Variants in PSAT1 observed in about 807,000 individuals in gnomAD.
PSAT1 encodes the protein phosphoserine aminotransferase.
A neutral mutation model predicts 40.3 loss-of-function variants in PSAT1; 41 were observed. That is an observed-to-expected ratio of 1.02 (90% CI 0.79 to 1.32). PSAT1 has a LOEUF of 1.32. Ranked by LOEUF, PSAT1 falls within the 40% of genes most tolerant of loss-of-function variation. The pLI is 0.00. For missense variants in PSAT1, 406 were observed against 455.8 expected (o/e 0.89, Z 0.99); for synonymous variants, 147 against 170.5 (o/e 0.86, Z 1.07).
chr9:78,320,878 C>T (rs565461953), intron 7 of PSAT1, among the ~76,000 whole-genome samples: 1 of 152,142 alleles, frequency 6.6e-6, no homozygotes, highest in Non-Finnish European at 1.5e-5. Context: ...GCTTTTAGCT[C>T]TATACATTTC....
At chr9:78,324,174 C>A (rs1260380596) in intron 7 of PSAT1, among the ~76,000 whole-genome samples, 1 of 152,136 alleles carries the variant, frequency 6.6e-6, no homozygotes, top group Admixed American at 6.6e-5. Context: ...GGGAACACTG[C>A]GTTCCTGTCT....
chr9:78,304,955 C>T lies in PSAT1; in HGVS notation c.397+15C>T. 1 of 1,611,332 alleles carries T rather than the reference C, an allele frequency of 6.2e-7. No homozygotes were observed. ...GAGTTATACAAGTAAGTTCTGGGAGCTGAGCTGGGTGGTGACGTGCTCAAT... is the reference window on the plus strand; with the variant it reads ...GAGTTATACAAGTAAGTTCTGGGAGTTGAGCTGGGTGGTGACGTGCTCAAT... On this transcript the variant is annotated intron_variant, in intron 4 of 8. Coordinates refer to ENST00000376588, the MANE Select transcript of PSAT1 (RefSeq NM_058179.4).
At position 78,299,211 on chromosome 9, in the gene PSAT1, GA is replaced by G. The variant is rs34154867; in HGVS notation, c.61-1380del. Among the ~76,000 whole-genome samples, 63 of 140,414 alleles carry G rather than the reference GA, an allele frequency of 4.5e-4. No individual in the cohort carries two copies. The East Asian group carries it at 5.4e-3, about 12-fold the overall frequency. The allele number at this position is 140,414 out of a possible 152,430, so 92.1% of individuals were successfully genotyped here. On this transcript the variant is annotated intron_variant, in intron 1 of 8. Coordinates refer to ENST00000376588, the MANE Select transcript of PSAT1 (RefSeq NM_058179.4). ...ACAAAAGCAATGCATTCTTCAACTG[GA>G]AAAAAAAAAACCTACTGGATTAGGG...
chr9:78,306,001 G>T (rs1266157488), intron 4 of PSAT1, among the ~76,000 whole-genome samples: 1 of 152,174 alleles, frequency 6.6e-6, no homozygotes, highest in East Asian at 1.9e-4. Context: ...GGGCTCAAGT[G>T]ATCCTCCCAC....
intron 6 of PSAT1, among the ~76,000 whole-genome samples, chr9:78,315,850 C>A (rs950780295): frequency 6.6e-6 from 1 of 152,218 alleles, no homozygotes; most frequent in Non-Finnish European, 1.5e-5. Flanking sequence ...CCCATAATGT[C>A]CCCTCCTGTT....
Position 78,321,622 on chromosome 9 carries a change from G to A in PSAT1, c.869+3818G>A, listed in dbSNP as rs548639034. On this transcript the variant is annotated intron_variant, in intron 7 of 8. Coordinates refer to ENST00000376588, the MANE Select transcript of PSAT1 (RefSeq NM_058179.4). The stretch of plus-strand genomic sequence containing the variant: ...GTTTGCTGGGGGTTTCACCAGCCCT[G>A]CCAGTGACCTTGGCAGGGAATTCTG... 3.3e-5 allele frequency among the ~76,000 whole-genome samples: 5 copies of A among 152,060 alleles called. No individual in the cohort carries two copies. The South Asian group carries it at 1.0e-3, about 32-fold the overall frequency.
At chr9:78,308,729 A>T (rs1444519360) in intron 6 of PSAT1, 146 bp downstream of exon 6, 6 of 907,170 alleles carry the variant, frequency 6.6e-6, no homozygotes, top group Non-Finnish European at 8.3e-6. Flanking sequence ...GCTGAGGTGG[A>T]TGGACCACTT....
intron 4 of PSAT1, among the ~76,000 whole-genome samples, 181 bp from the exon 5 acceptor site, chr9:78,306,133 A>T (rs1312093842): frequency 6.6e-6 from 1 of 152,200 alleles, no homozygotes; most frequent in Non-Finnish European, 1.5e-5. Flanking sequence ...TCCTCTCAGG[A>T]TGTTGATAAC....
At chr9:78,315,601 C>T (rs1221873419) in intron 6 of PSAT1, among the ~76,000 whole-genome samples, 1 of 152,206 alleles carries the variant, frequency 6.6e-6, no homozygotes, top group African/African-American at 2.4e-5. Flanking sequence ...CTCTTTCTTC[C>T]CAGTGCTGTC....
At chr9:78,326,215 G>A (rs1436823116) in intron 7 of PSAT1, among the ~76,000 whole-genome samples, 1 of 152,078 alleles carries the variant, frequency 6.6e-6, no homozygotes, top group Non-Finnish European at 1.5e-5. Flanking sequence ...CTCTCACACT[G>A]CCTTTATTTG....
chr9:78,304,754 A>T lies in PSAT1; in HGVS notation c.211A>T (p.Lys71Ter). 1.2e-6 allele frequency: 2 copies of T among 1,613,930 alleles called. No homozygotes were observed. Among genetic ancestry groups the T allele is most frequent in the Non-Finnish European group, 1.7e-6 (2 of 1,179,814 alleles). ...RELLAVPDNY[K>*]VIFLQGGGCG... ...GCCCAGAGCTGTTCCAGACAACTATAAGGTGATTTTTCTGCAAGGAGGTGG... is the reference window on the plus strand; with the variant it reads ...GCCCAGAGCTGTTCCAGACAACTATTAGGTGATTTTTCTGCAAGGAGGTGG... Residue 71 changes from lysine (K) to a stop codon, truncating the protein, a stop_gained, in exon 4 of 9, where the codon AAG (lysine) becomes TAG (stop). Transcript: ENST00000376588. LOFTEE classifies it high-confidence loss of function.
intron 7 of PSAT1, among the ~76,000 whole-genome samples, chr9:78,320,550 T>G (rs868224734): frequency 2.8e-5 from 4 of 141,032 alleles, no homozygotes; most frequent in Non-Finnish European, 3.1e-5. Context: ...CACCCACTCA[T>G]CTGTCCATTC....
chr9:78,310,138 G>A (rs1828244923), intron 6 of PSAT1, among the ~76,000 whole-genome samples: 1 of 152,164 alleles, frequency 6.6e-6, no homozygotes, highest in Non-Finnish European at 1.5e-5. Context: ...TATCTTTCTA[G>A]GGCCACTATG....
chr9:78,319,129 G>T (rs1828391494), intron 7 of PSAT1, among the ~76,000 whole-genome samples: 1 of 152,122 alleles, frequency 6.6e-6, no homozygotes, highest in South Asian at 2.1e-4. Context: ...TTGGAAATTT[G>T]CCCTCTCTCA....
At chr9:78,328,255 C>T (rs1828529952) in intron 8 of PSAT1, 67 bp downstream of exon 8, 4 of 1,594,758 alleles carry the variant, frequency 2.5e-6, no homozygotes, top group Non-Finnish European at 3.4e-6. Flanking sequence ...CAGAATAAAA[C>T]AAATCTATAG....
intron 6 of PSAT1, among the ~76,000 whole-genome samples, chr9:78,313,065 T>C (rs1402399018): frequency 6.6e-6 from 1 of 151,884 alleles, no homozygotes; most frequent in Non-Finnish European, 1.5e-5. Flanking sequence ...AAAAAATTTA[T>C]AACAGTGATA....
rs763694865 is a variant in PSAT1 at position 78,297,264 on chromosome 9, G to A, written c.54G>A (p.Pro18=). Residue 18 remains proline (P), a synonymous_variant, in exon 1 of 9, where the codon CCG becomes CCA. Transcript: ENST00000376588. The stretch of plus-strand genomic sequence containing the variant: ...TTGGGCCTGGTCCCGCCAAGCTGCC[G>A]CACTCAGTAAGTCCCCGCGAGCGGG... ...VNFGPGPAKL[P]HSVLLEIQKE... 2 of 1,600,800 alleles carry A rather than the reference G, an allele frequency of 1.2e-6. No individual in the cohort carries two copies. The highest frequency in any genetic ancestry group is 1.1e-5 in the South Asian group (1 of 90,080).
chr9:78,320,337 T>TCTATCC (rs1564018504), intron 7 of PSAT1, among the ~76,000 whole-genome samples: 6 of 37,406 alleles, frequency 1.6e-4, no homozygotes, highest in Non-Finnish European at 3.2e-4. Context: ...TCCATCCATC[T>TCTATCC]ATCCATCCAT....
In PSAT1 at chr9:78,301,943, T is replaced by C. The variant is rs1379363806; in HGVS notation, c.122-11T>C. 3.8e-6 allele frequency: 6 copies of C among 1,591,774 alleles called. No individual in the cohort carries two copies. Among genetic ancestry groups the C allele is most frequent in the African/African-American group, 1.3e-5 (1 of 74,524 alleles). ...AATATTTGTTATTGTTGTTTATCTT[T>C]CCTTTCACAGAAATGAGTCACAGGT... is the stretch of plus-strand genomic sequence containing the variant. On this transcript the variant is annotated splice_polypyrimidine_tract_variant and intron_variant, in intron 2 of 8. Transcript: ENST00000376588.
Sources: gnomAD v4.1 joint callset for allele counts (sites outside exome capture counted in the v4.1 genomes callset) on GRCh38, gnomAD v4.1.1 for gene constraint, MANE v1.5 for transcripts, NCBI Gene and HGNC (gene_info 2026-07-23, HGNC 2026-07-21) for gene names.